The following MGA variants were observed in gnomAD, a reference collection of about 807,000 sequenced individuals.
MGA encodes MAX dimerization protein MGA.
MGA carries 40 observed loss-of-function variants against 261.1 expected under a neutral mutation model. The observed-to-expected ratio is 0.15, with a 90% CI of 0.12 to 0.20. The LOEUF (loss-of-function observed/expected upper bound fraction) is 0.20, where lower values mean the gene tolerates loss of function less well. MGA is among the 10% of genes least tolerant of loss of function. The pLI, the probability that MGA is intolerant of heterozygous loss-of-function variation, is 1.00. For missense variants in MGA, 3,397 were observed against 3,630.5 expected (o/e 0.94, Z 1.65); for synonymous variants, 1,302 against 1,290.6 (o/e 1.01, Z -0.19).
intron 5 of MGA, among the ~76,000 whole-genome samples, chr15:41,704,353 A>G (rs1039971643): frequency 2.6e-5 from 4 of 151,928 alleles, no homozygotes; most frequent in African/African-American, 9.7e-5. Context: ...AAAATTCTGA[A>G]TGTTACATTA....
intron 2 of MGA, among the ~76,000 whole-genome samples, chr15:41,681,291 A>T (rs1303260638): frequency 6.6e-6 from 1 of 152,052 alleles, no homozygotes; most frequent in African/African-American, 2.4e-5. Flanking sequence ...TCATATGCAT[A>T]ATGCCAAATA....
In MGA at chr15:41,711,090, C is replaced by A; in HGVS notation, c.2825C>A (p.Ser942Tyr). 1 of 1,614,016 alleles carries A rather than the reference C, an allele frequency of 6.2e-7. No individual in the cohort carries two copies. Among genetic ancestry groups the A allele is most frequent in the South Asian group, 1.1e-5 (1 of 91,086 alleles). The change falls in exon 8 of 24, where the codon TCT becomes TAT. Residue 942 changes from serine (S) to tyrosine (Y), a missense_variant. Physicochemically the swap from Ser to Tyr is moderately radical, Grantham distance 144 (BLOSUM62 -2). Transcript: ENST00000219905. ...CTAGGAGATAAGGTTACCAAGAATT[C>A]TTCAGGCATCATCTCAGAAAATCAG...
In MGA at chr15:41,754,567, C is replaced by A; in HGVS notation, c.7139C>A (p.Pro2380Gln). 1 of 1,566,640 alleles carries A rather than the reference C, an allele frequency of 6.4e-7. No homozygotes were observed. The highest frequency in any genetic ancestry group is 2.3e-5 in the East Asian group (1 of 44,104). ...GCCCACACACAGTCATTCAAACAGC[C>A]GTAAGTCTTATTTCTCTTTGGATTG... The change falls in exon 18 of 24, where the codon CCG (proline) becomes CAG (glutamine). Residue 2380 changes from proline to glutamine, a missense_variant and splice_region_variant. Pro to Gln is a moderately conservative substitution (Grantham distance 76). Around this residue, in one of 9 missense-constraint regions of MGA, gnomAD observed 1,410 missense variants for 1,386.4 expected, o/e 1.02. Transcript: ENST00000219905.
chr15:41,749,152 T>C lies in MGA; in HGVS notation c.5545T>C (p.Ser1849Pro). 1 of 1,614,004 alleles carries C rather than the reference T, an allele frequency of 6.2e-7. No homozygotes were observed. Among genetic ancestry groups the C allele is most frequent in the Non-Finnish European group, 8.5e-7 (1 of 1,179,882 alleles). ...CCGGTTACCTGCTCCTTCCAAACCC[T>C]CTGAGACTCCGCCATCTTCCACTTC... is the stretch of plus-strand genomic sequence containing the variant. Residue 1849 changes from serine to proline, a missense_variant, in exon 17 of 24, where the codon TCT becomes CCT. Ser to Pro is a moderately conservative substitution (Grantham distance 74). This residue lies in a region of MGA where 1,410 missense variants were observed against 1,386.4 expected (regional missense o/e 1.02). Coordinates refer to ENST00000219905, the MANE Select transcript of MGA (RefSeq NM_001164273.2).
At chr15:41,700,469 C>G (rs1049359057) in intron 5 of MGA, among the ~76,000 whole-genome samples, 1 of 152,138 alleles carries the variant, frequency 6.6e-6, no homozygotes, top group Non-Finnish European at 1.5e-5. Flanking sequence ...TTGTTCATCT[C>G]CCACTTACGA....
chr15:41,748,547 C>A, intron 15 of MGA, 90 bp from the exon 16 acceptor site: 1 of 1,408,912 alleles, frequency 7.1e-7, no homozygotes, highest in Non-Finnish European at 9.5e-7. Context: ...CAAAGCAAGA[C>A]TGTGTCTTAA....
Position 41,766,154 on chromosome 15 carries a change from A to C in MGA, c.8072A>C (p.Glu2691Ala). Reference sequence around the variant, plus strand: ...CATCTGAAAGACACCGTCAGGAATGAAGATAATTCCTTAGAGGATAAGGGT... The same window carrying C: ...CATCTGAAAGACACCGTCAGGAATGCAGATAATTCCTTAGAGGATAAGGGT... The change falls in exon 24 of 24, where the codon GAA (glutamate) becomes GCA (alanine). Residue 2691 changes from glutamate to alanine, a missense_variant. Physicochemically the swap from Glu to Ala is moderately radical, Grantham distance 107. This residue lies in a region of MGA where 647 missense variants were observed against 642.4 expected (regional missense o/e 1.01). Coordinates refer to ENST00000219905, the MANE Select transcript of MGA (RefSeq NM_001164273.2). The C allele has an allele frequency of 1.9e-6, 3 of 1,614,010 alleles. No individual in the cohort carries two copies. Among genetic ancestry groups the C allele is most frequent in the Non-Finnish European group, 2.5e-6 (3 of 1,179,898 alleles).
At chr15:41,714,833 A>G (rs1284768576) in intron 9 of MGA, among the ~76,000 whole-genome samples, 1 of 152,182 alleles carries the variant, frequency 6.6e-6, no homozygotes, top group Admixed American at 6.5e-5. Context: ...TACAACTTTT[A>G]AAACTGTCAT....
chr15:41,659,178 T>C (rs2057277615), upstream of MGA, among the ~76,000 whole-genome samples: 1 of 152,230 alleles, frequency 6.6e-6, no homozygotes. Context: ...TAAAGTAGCC[T>C]ACACGTTTTC....
chr15:41,719,185 T>C (rs1432090460), intron 9 of MGA, among the ~76,000 whole-genome samples: 2 of 152,194 alleles, frequency 1.3e-5, no homozygotes, highest in East Asian at 3.8e-4. Flanking sequence ...ATAACTTTGA[T>C]AAAAGATGCC....
intron 1 of MGA, among the ~76,000 whole-genome samples, chr15:41,655,332 C>A (rs1473149201): frequency 2.0e-5 from 3 of 151,896 alleles, no homozygotes; most frequent in Non-Finnish European, 4.4e-5. Context: ...GCATGTGCCA[C>A]CATGCCTGGC....
At chr15:41,757,944 G>T (rs912322382) in intron 19 of MGA, 105 bp downstream of exon 19, 18 of 887,772 alleles carry the variant, frequency 2.0e-5, no homozygotes, top group South Asian at 3.5e-5. Flanking sequence ...TTTTTCTCAG[G>T]GCTATTTTTG....
chr15:41,678,410 G>A (rs917911378), intron 2 of MGA, among the ~76,000 whole-genome samples: 2 of 151,174 alleles, frequency 1.3e-5, no homozygotes, highest in Non-Finnish European at 3.0e-5. Context: ...AGTGGTGTAA[G>A]GTAAGGCTTC....
At chr15:41,713,826 AC>A (rs2060498379) in intron 9 of MGA, among the ~76,000 whole-genome samples, 1 of 152,232 alleles carries the variant, frequency 6.6e-6, no homozygotes, top group African/African-American at 2.4e-5. Context: ...AGACACACGT[AC>A]GTTCCTTGGA....
At chr15:41,683,728 A>G (rs1026277804) in intron 2 of MGA, among the ~76,000 whole-genome samples, 1 of 151,726 alleles carries the variant, frequency 6.6e-6, no homozygotes, top group Non-Finnish European at 1.5e-5. Flanking sequence ...GACTACAGGC[A>G]TGAACACTTG....
Position 41,760,080 on chromosome 15 carries a change from A to C in MGA, c.7192-243A>C, listed in dbSNP as rs1020934411. 8.9e-6 allele frequency: 4 copies of C among 448,892 alleles called. No homozygotes were observed. The Admixed American group carries it at 1.4e-4, about 16-fold the overall frequency. 27.8% of individuals were successfully genotyped at this position (448,892 alleles called of 1,614,324 possible). ...ACAATTTCTTCCTCATTTGAAAATC[A>C]CTGAAATTTGAACTGAGAGCTGGTA... On this transcript the variant is annotated intron_variant, in intron 19 of 23. Transcript: ENST00000219905.
Position 41,750,180 on chromosome 15 carries a change from G to A in MGA, c.6573G>A (p.Gln2191=), listed in dbSNP as rs775633280. ...CCAGGAAATGTGTTGGAGCTTCACA[G>A]GAATGTAAGAAAGAGGCAGACGAGC... is the stretch of plus-strand genomic sequence containing the variant. Residue 2191 remains glutamine, a synonymous_variant, in exon 17 of 24, where the codon CAG becomes CAA. Coordinates refer to ENST00000219905, the MANE Select transcript of MGA (RefSeq NM_001164273.2). 10 of 1,613,886 alleles carry A rather than the reference G, an allele frequency of 6.2e-6. No individual in the cohort carries two copies. In the South Asian group the frequency reaches 7.7e-5, roughly 12 times the overall value.
chr15:41,730,663 A>G (rs1480717678), intron 11 of MGA, among the ~76,000 whole-genome samples: 1 of 152,214 alleles, frequency 6.6e-6, no homozygotes, highest in East Asian at 1.9e-4. Context: ...TTTTTTCAGT[A>G]TAATAAAGAC....
At chr15:41,687,359 G>A (rs1284181550) in intron 2 of MGA, among the ~76,000 whole-genome samples, 3 of 151,934 alleles carry the variant, frequency 2.0e-5, no homozygotes, top group Admixed American at 2.0e-4. Flanking sequence ...TCAGTGTCCT[G>A]TTTTTTGGAA....
Sources: allele counts gnomAD v4.1 joint callset (sites outside exome capture counted in the v4.1 genomes callset), GRCh38; gene constraint gnomAD v4.1.1; regional missense constraint gnomAD v4.1.1; transcripts MANE v1.5; gene names NCBI Gene and HGNC (gene_info 2026-07-23, HGNC 2026-07-21).